The following CCDC13 variants were observed in gnomAD, a reference collection of about 807,000 sequenced individuals.
The protein encoded by CCDC13 is coiled-coil domain containing 13.
Under a neutral mutation model 87.3 loss-of-function variants are expected in CCDC13, and 70 were observed. That is an observed-to-expected ratio of 0.80 (90% confidence interval 0.66 to 0.98). The LOEUF (loss-of-function observed/expected upper bound fraction) is 0.98, where lower values mean the gene tolerates loss of function less well. Among genes scored for constraint, CCDC13 ranks in the 50% least tolerant of loss-of-function variants. The pLI is 0.00. For synonymous variants in CCDC13, 317 were observed against 360.3 expected (o/e 0.88, Z 1.36); for missense variants, 842 against 892.0 (o/e 0.94, Z 0.71).
intron 3 of CCDC13, 95 bp downstream of exon 3, chr3:42,756,971 C>T (rs978403612): frequency 2.4e-6 from 3 of 1,255,114 alleles, no homozygotes; most frequent in East Asian, 2.3e-5. Context: ...ACCCTTGGCA[C>T]TCTCTTGGGA....
chr3:42,748,351 C>A (rs1345555623), intron 5 of CCDC13, among the ~76,000 whole-genome samples: 1 of 152,210 alleles, frequency 6.6e-6, no homozygotes, highest in Non-Finnish European at 1.5e-5. Context: ...GCTGACTCTT[C>A]CAATTTAAGC....
rs1203929647 is a variant in CCDC13 at position 42,707,707 on chromosome 3, T to C, written c.*1273A>G. ...GAATGTGTGTCCACATCCACATGTG[T>C]GTGCTCATCTGCACCTGTGTGTCCA... On this transcript the variant is annotated 3_prime_UTR_variant, in exon 16 of 16. Transcript: ENST00000310232. Among the ~76,000 whole-genome samples the C allele has an allele frequency of 6.6e-6, 1 of 152,238 alleles. No homozygotes were observed. Among genetic ancestry groups the C allele is most frequent in the Middle Eastern group, 3.2e-3 (1 of 316 alleles).
At chr3:42,760,930 T>A (rs1699819453) in intron 1 of CCDC13, among the ~76,000 whole-genome samples, 1 of 152,196 alleles carries the variant, frequency 6.6e-6, no homozygotes, top group African/African-American at 2.4e-5. Flanking sequence ...TCTATTCACA[T>A]TTTTTGCCCA....
chr3:42,733,927 C>T (rs78040535), intron 10 of CCDC13, among the ~76,000 whole-genome samples: 2,807 of 152,244 alleles, frequency 0.018, 75 homozygotes, highest in African/African-American at 0.064. Context: ...TGAGTGGGTC[C>T]GCTTCTCCAG....
intron 1 of CCDC13, among the ~76,000 whole-genome samples, chr3:42,768,901 G>T (rs748457787): frequency 2.6e-5 from 4 of 152,114 alleles, no homozygotes; most frequent in African/African-American, 4.8e-5. Context: ...ACTTTGGGAG[G>T]CTGAGGTGGG....
Position 42,750,468 on chromosome 3 carries a change from T to G in CCDC13, c.603+1468A>C, listed in dbSNP as rs188267288. 5.1e-4 allele frequency among the ~76,000 whole-genome samples: 77 copies of G among 152,212 alleles called. No individual in the cohort carries two copies. In the East Asian group the frequency reaches 0.013, roughly 25 times the overall value. On this transcript the variant is annotated intron_variant, in intron 5 of 15. Transcript: ENST00000310232. Reference sequence around the variant, plus strand: ...CTGTTTTTTTGGTGGTTGTTGTAGTTGTTTGTTTGTTTGTTTTGAGACACA... The same window carrying G: ...CTGTTTTTTTGGTGGTTGTTGTAGTGGTTTGTTTGTTTGTTTTGAGACACA...
At chr3:42,738,201 G>A (rs1389994056) in intron 9 of CCDC13, among the ~76,000 whole-genome samples, 85 of 144,828 alleles carry the variant, frequency 5.9e-4, no homozygotes, top group South Asian at 1.1e-3. Flanking sequence ...TGTCAGGTTT[G>A]TCAAAGATCA....
At chr3:42,758,380 A>G in intron 1 of CCDC13, 29 bp from the exon 2 acceptor site, 1 of 1,604,794 alleles carries the variant, frequency 6.2e-7, no homozygotes. Flanking sequence ...GCCTCAGCTG[A>G]AGCAAACTCC....
At chr3:42,724,652 C>G (rs1044811817) in intron 13 of CCDC13, among the ~76,000 whole-genome samples, 2 of 152,158 alleles carry the variant, frequency 1.3e-5, no homozygotes, top group African/African-American at 2.4e-5. Context: ...TCATGAAATT[C>G]CAAATATTTT....
At chr3:42,747,427 G>A in intron 5 of CCDC13, 54 bp from the exon 6 acceptor site, 1 of 1,161,604 alleles carries the variant, frequency 8.6e-7, no homozygotes, top group Non-Finnish European at 1.3e-6. Flanking sequence ...CATGGGAATA[G>A]TAATCATAGC....
At chr3:42,759,987 A>G (rs1263183116) in intron 1 of CCDC13, among the ~76,000 whole-genome samples, 1 of 152,068 alleles carries the variant, frequency 6.6e-6, no homozygotes, top group Non-Finnish European at 1.5e-5. Context: ...AGACTTTCTC[A>G]TTAGTATGTA....
At chr3:42,725,614 G>A (rs1698669210) in intron 13 of CCDC13, among the ~76,000 whole-genome samples, 1 of 151,942 alleles carries the variant, frequency 6.6e-6, no homozygotes, top group African/African-American at 2.4e-5. Flanking sequence ...GTCTATCAGG[G>A]CCTTGGGAAA....
chr3:42,730,179 T>A (rs183265590), intron 13 of CCDC13, among the ~76,000 whole-genome samples: 5 of 152,264 alleles, frequency 3.3e-5, no homozygotes, highest in Admixed American at 2.6e-4. Context: ...TGGATTGATT[T>A]GACTGATTTA....
chr3:42,747,432 CAT>C, intron 5 of CCDC13, 59 bp from the exon 6 acceptor site: 1 of 1,131,970 alleles, frequency 8.8e-7, no homozygotes, highest in Middle Eastern at 2.0e-4. Context: ...GAATAGTAAT[CAT>C]AGCCCCCATT....
chr3:42,743,773 T>C (rs62246606), intron 7 of CCDC13, among the ~76,000 whole-genome samples: 38,713 of 151,134 alleles, frequency 0.26, 5,050 homozygotes, highest in South Asian at 0.29. Flanking sequence ...CCCAAAGTGC[T>C]GGGCAAGGAG....
chr3:42,760,292 CTAAATAAATAAATAAATAAATAAA>C (rs56384940), intron 1 of CCDC13, among the ~76,000 whole-genome samples: 3 of 144,654 alleles, frequency 2.1e-5, no homozygotes, highest in East Asian at 2.0e-4. Context: ...ATTCTTGTCT[CTAAATAAATAAATAAATAAATAAA>C]TAAATAAATA....
At chr3:42,737,105 G>A (rs559049987) in intron 9 of CCDC13, among the ~76,000 whole-genome samples, 200 of 143,572 alleles carry the variant, frequency 1.4e-3, no homozygotes, top group Non-Finnish European at 1.6e-3. Flanking sequence ...GATGTTCCCC[G>A]CCCTGTGTCC....
In CCDC13 at chr3:42,767,804, G is replaced by A. The variant is rs146270826; in HGVS notation, c.-7+5372C>T. Among the ~76,000 whole-genome samples the A allele has an allele frequency of 3.8e-3, 578 of 152,038 alleles. 7 individuals are homozygous for A. Among genetic ancestry groups the A allele is most frequent in the African/African-American group, 0.01 (432 of 41,454 alleles). ...ACCCTGGCAAATGTGGTAAAACCCCGTCTCTACTAAAAATACAAAAATTGC... is the reference window on the plus strand; with the variant it reads ...ACCCTGGCAAATGTGGTAAAACCCCATCTCTACTAAAAATACAAAAATTGC... On this transcript the variant is annotated intron_variant, in intron 1 of 15. Coordinates refer to ENST00000310232, the MANE Select transcript of CCDC13 (RefSeq NM_144719.4).
intron 9 of CCDC13, among the ~76,000 whole-genome samples, chr3:42,738,751 A>G (rs1699112285): frequency 6.6e-6 from 1 of 152,174 alleles, no homozygotes. Flanking sequence ...GGATTTTTGC[A>G]CATTGATTTT....
Sources: gnomAD v4.1 joint callset for allele counts (sites outside exome capture counted in the v4.1 genomes callset) on GRCh38, gnomAD v4.1.1 for gene constraint, MANE v1.5 for transcripts, NCBI Gene and HGNC (gene_info 2026-07-23, HGNC 2026-07-21) for gene names.